The following LRMDA variants were observed in gnomAD, a reference collection of about 807,000 sequenced individuals.
LRMDA encodes leucine-rich melanocyte differentiation-associated protein.
LRMDA carries 18 observed loss-of-function variants against 29.8 expected under a neutral mutation model. That is an observed-to-expected ratio of 0.60 (90% CI 0.42 to 0.90). The LOEUF (loss-of-function observed/expected upper bound fraction) is 0.90, where lower values mean the gene tolerates loss of function less well. LRMDA is among the 40% of genes least tolerant of loss of function. The pLI is 0.00. For synonymous variants in LRMDA, 125 were observed against 109.4 expected (o/e 1.14, Z -0.89); for missense variants, 273 against 273.9 (o/e 1.00, Z 0.02).
intron 2 of LRMDA, among the ~76,000 whole-genome samples, chr10:75,618,174 T>C (rs1406918860): frequency 1.3e-5 from 2 of 152,178 alleles, no homozygotes; most frequent in Non-Finnish European, 2.9e-5. Context: ...GTCCTGACTC[T>C]AAGTTGGCAT....
chr10:75,628,599 A>G (rs547804130), intron 2 of LRMDA, among the ~76,000 whole-genome samples: 11 of 152,350 alleles, frequency 7.2e-5, no homozygotes, highest in Non-Finnish European at 1.3e-4. Context: ...AACTATCGAA[A>G]CAATTCAGTC....
chr10:76,548,671 GC>G (rs1230486366), intron 6 of LRMDA, among the ~76,000 whole-genome samples: 2 of 152,072 alleles, frequency 1.3e-5, no homozygotes, highest in East Asian at 3.9e-4. Context: ...AATAAAGGGG[GC>G]TAGTGAGCCC....
In LRMDA at chr10:76,177,913, G is replaced by A. The variant is rs912244565; in HGVS notation, c.516+119130G>A. ...GTCTGGTCTGTCCAGTGGTGTTAGAGCTGAATTGAAATCCTGCTTTATAGA... is the reference window on the plus strand; with the variant it reads ...GTCTGGTCTGTCCAGTGGTGTTAGAACTGAATTGAAATCCTGCTTTATAGA... On this transcript the variant is annotated intron_variant, in intron 5 of 6. Coordinates refer to ENST00000611255, the MANE Select transcript of LRMDA (RefSeq NM_001305581.2). Among the ~76,000 whole-genome samples, 3 of 152,308 alleles carry A rather than the reference G, an allele frequency of 2.0e-5. No homozygotes were observed. The East Asian group carries it at 5.8e-4, about 29-fold the overall frequency.
At chr10:76,233,885 T>C (rs1852103389) in intron 5 of LRMDA, among the ~76,000 whole-genome samples, 1 of 152,230 alleles carries the variant, frequency 6.6e-6, no homozygotes, top group South Asian at 2.1e-4. Flanking sequence ...TACTGAAGTC[T>C]TGAGCCCCTC....
chr10:75,675,529 T>C (rs190474596), intron 2 of LRMDA, among the ~76,000 whole-genome samples: 1 of 152,264 alleles, frequency 6.6e-6, no homozygotes, highest in East Asian at 1.9e-4. Context: ...ATAAGAGTCT[T>C]ACAGATTTAA....
chr10:75,607,324 C>T (rs187345354), intron 2 of LRMDA, among the ~76,000 whole-genome samples: 1 of 152,156 alleles, frequency 6.6e-6, no homozygotes, highest in South Asian at 2.1e-4. Flanking sequence ...CTTCAAATTT[C>T]TAGTCTGTTA....
At chr10:76,112,001 T>C (rs1337837051) in intron 5 of LRMDA, among the ~76,000 whole-genome samples, 1 of 152,238 alleles carries the variant, frequency 6.6e-6, no homozygotes, top group Admixed American at 6.5e-5. Context: ...AAATCTTTAA[T>C]GTAATTAAGA....
intron 2 of LRMDA, among the ~76,000 whole-genome samples, chr10:75,843,393 A>T (rs944693055): frequency 6.6e-6 from 1 of 152,240 alleles, no homozygotes; most frequent in Non-Finnish European, 1.5e-5. Flanking sequence ...CCTGAAGGAT[A>T]GTCAGGTCAT....
At chr10:75,663,466 G>A (rs1841780638) in intron 2 of LRMDA, among the ~76,000 whole-genome samples, 2 of 152,202 alleles carry the variant, frequency 1.3e-5, no homozygotes. Flanking sequence ...CCAGGGTTGA[G>A]AACCCCAATA....
At chr10:75,712,123 A>T (rs983884295) in intron 2 of LRMDA, among the ~76,000 whole-genome samples, 1 of 151,872 alleles carries the variant, frequency 6.6e-6, no homozygotes, top group African/African-American at 2.4e-5. Flanking sequence ...TCTCCCTGTG[A>T]TTTCTATTGA....
chr10:75,861,771 T>G (rs1312565406), intron 2 of LRMDA, among the ~76,000 whole-genome samples: 1 of 152,188 alleles, frequency 6.6e-6, no homozygotes, highest in East Asian at 1.9e-4. Context: ...AGTAGTTCCC[T>G]TTTATATCTA....
intron 6 of LRMDA, among the ~76,000 whole-genome samples, chr10:76,548,474 C>T (rs916289809): frequency 2.5e-4 from 38 of 150,892 alleles, no homozygotes; most frequent in Non-Finnish European, 4.6e-4. Flanking sequence ...AAAATGTAAC[C>T]TGAGGCTAAA....
chr10:75,522,991 G>C (rs1845377702), intron 2 of LRMDA, among the ~76,000 whole-genome samples: 1 of 152,214 alleles, frequency 6.6e-6, no homozygotes, highest in African/African-American at 2.4e-5. Flanking sequence ...TCAGCAATCA[G>C]ATGACCTGGC....
At chr10:76,086,593 T>TG (rs1257490477) in intron 5 of LRMDA, among the ~76,000 whole-genome samples, 1 of 152,210 alleles carries the variant, frequency 6.6e-6, no homozygotes, top group African/African-American at 2.4e-5. Flanking sequence ...CAGTAAGTGT[T>TG]CACCAAGTCC....
rs1219835350 is a variant in LRMDA at position 75,621,232 on chromosome 10, A to ACACC, written c.131+182739_131+182740insACCC. Among the ~76,000 whole-genome samples the ACACC allele has an allele frequency of 1.8e-4, 27 of 150,734 alleles. No homozygotes were observed. In the South Asian group the frequency reaches 4.6e-3, roughly 26 times the overall value. On this transcript the variant is annotated intron_variant, in intron 2 of 6. Coordinates refer to ENST00000611255, the MANE Select transcript of LRMDA (RefSeq NM_001305581.2). ...CACACACACACACACACACCCACAC[A>ACACC]CCCACACACACACCACATTTTCTTT... is the stretch of plus-strand genomic sequence containing the variant.
chr10:76,083,207 C>T (rs1232595841), intron 5 of LRMDA, among the ~76,000 whole-genome samples: 1 of 152,140 alleles, frequency 6.6e-6, no homozygotes, highest in Non-Finnish European at 1.5e-5. Context: ...AAATCCAGAG[C>T]CCCTGCTGTG....
At chr10:76,144,414 T>C (rs1304622770) in intron 5 of LRMDA, among the ~76,000 whole-genome samples, 2 of 152,140 alleles carry the variant, frequency 1.3e-5, no homozygotes, top group African/African-American at 4.8e-5. Context: ...TCACATCCCT[T>C]GTAAGTTGGA....
chr10:76,474,734 G>A (rs919224508), intron 6 of LRMDA, among the ~76,000 whole-genome samples: 1 of 151,552 alleles, frequency 6.6e-6, no homozygotes, highest in Non-Finnish European at 1.5e-5. Context: ...ACAAGTGTAG[G>A]GTGTGGAGAA....
At chr10:75,448,906 C>T (rs1290772319) in intron 2 of LRMDA, among the ~76,000 whole-genome samples, 1 of 152,190 alleles carries the variant, frequency 6.6e-6, no homozygotes, top group Non-Finnish European at 1.5e-5. Context: ...AATCCCAGCA[C>T]TTTGGGATAC....
Sources: gnomAD v4.1 joint callset for allele counts (sites outside exome capture counted in the v4.1 genomes callset) on GRCh38, gnomAD v4.1.1 for gene constraint, MANE v1.5 for transcripts, NCBI Gene and HGNC (gene_info 2026-07-23, HGNC 2026-07-21) for gene names.